VAMP3: variants seen among roughly 807,000 people sequenced by gnomAD.
The protein encoded by VAMP3 is vesicle-associated membrane protein 3.
Under a neutral mutation model 18.1 loss-of-function variants are expected in VAMP3, and 11 were observed. The observed-to-expected ratio is 0.61, with a 90% CI of 0.38 to 1.00. The LOEUF is 1.00. VAMP3 is among the 50% of genes least tolerant of loss of function. The pLI, the probability that VAMP3 is intolerant of heterozygous loss-of-function variation, is 0.01. For missense variants in VAMP3, 122 were observed against 127.3 expected, an observed-to-expected ratio of 0.96 and a Z score of 0.20; for synonymous variants, 49 against 43.1, an observed-to-expected ratio of 1.14 and a Z score of -0.53.
At chr1:7,777,047 G>A (rs1161556506) in intron 2 of VAMP3, 113 bp from the exon 3 acceptor site, 2 of 1,263,290 alleles carry the variant, frequency 1.6e-6, no homozygotes, top group Non-Finnish European at 2.1e-6. Context: ...CTGACCACAG[G>A]TGATCCACCC....
rs1460435188 is a variant in VAMP3 at position 7,771,319 on chromosome 1, C to A, written c.-65C>A. 3.2e-6 allele frequency: 5 copies of A among 1,586,024 alleles called. No homozygotes were observed. The highest frequency in any genetic ancestry group is 1.7e-5 in the Admixed American group (1 of 58,266). ...CCGTCCCACCCATCTCCCTGGCCTC[C>A]GGTCCCAACTTCGCTTCTCTGCTGA... On this transcript the variant is annotated 5_prime_UTR_variant, in exon 1 of 5. Coordinates refer to ENST00000054666, the MANE Select transcript of VAMP3 (RefSeq NM_004781.4).
chr1:7,774,997 T>C lies in VAMP3; in HGVS notation c.72+1486T>C, dbSNP rs549175400. On this transcript the variant is annotated intron_variant, in intron 2 of 4. Transcript: ENST00000054666. Reference sequence around the variant, plus strand: ...CTGCCAAATTGTTTTCCACAATAGCTGCACCATTTTATTTTCCCACCAGCA... The same window carrying C: ...CTGCCAAATTGTTTTCCACAATAGCCGCACCATTTTATTTTCCCACCAGCA... 6.6e-5 allele frequency among the ~76,000 whole-genome samples: 10 copies of C among 152,362 alleles called. No individual in the cohort carries two copies. In the East Asian group the frequency reaches 1.9e-3, roughly 29 times the overall value.
At position 7,779,640 on chromosome 1, in the gene VAMP3, TC is replaced by T; in HGVS notation, c.299del (p.Ser100TyrfsTer21). On this transcript the variant is annotated frameshift_variant, in exon 5 of 5. Transcript: ENST00000054666. LOFTEE classifies it high-confidence loss of function. ...CTCCTTCTTAGTGTGGGTTGTCTCT[TC>T]ATGAAGAACCAGCGGAACTCAAAAC... ...IIIIIVWVVS[S>X] is the part of the protein sequence containing the mutation. 6.2e-7 allele frequency: 1 copy of T among 1,614,208 alleles called. No individual in the cohort carries two copies. Among genetic ancestry groups the T allele is most frequent in the Non-Finnish European group, 8.5e-7 (1 of 1,180,038 alleles).
Position 7,780,866 on chromosome 1 carries a change from G to C in VAMP3, c.*1221G>C, listed in dbSNP as rs697679. The stretch of plus-strand genomic sequence containing the variant: ...TTGCTTTGATATCATCAACTGCAGA[G>C]AATGCTGTTGATGGGAATGCTGGAA... On this transcript the variant is annotated 3_prime_UTR_variant, in exon 5 of 5. Coordinates refer to ENST00000054666, the MANE Select transcript of VAMP3 (RefSeq NM_004781.4). 120,846 of 152,374 alleles carry C rather than the reference G, an allele frequency of 0.79. 48,078 individuals are homozygous for C. Among genetic ancestry groups the C allele is most frequent in the East Asian group, 0.96 (5,086 of 5,324 alleles). 9.4% of individuals were successfully genotyped at this position (152,374 alleles called of 1,614,324 possible).
At chr1:7,774,045 C>G (rs2097052817) in intron 2 of VAMP3, among the ~76,000 whole-genome samples, 1 of 152,172 alleles carries the variant, frequency 6.6e-6, no homozygotes, top group Non-Finnish European at 1.5e-5. Flanking sequence ...AATTCTTGAG[C>G]TAGAGGACCT....
Position 7,778,137 on chromosome 1 carries a change from C to T in VAMP3, c.251C>T (p.Thr84Ile). Residue 84 changes from threonine to isoleucine, a missense_variant, in exon 4 of 5, where the codon ACT (threonine) becomes ATT (isoleucine). Thr to Ile is a moderately conservative substitution (Grantham distance 89). Transcript: ENST00000054666. The part of the protein sequence containing the change: ...KNCKMWAIGI[T>I]VLVIFIIIII... The stretch of plus-strand genomic sequence containing the variant: ...TTACAGATGTGGGCAATCGGGATTA[C>T]TGTTCTGGTTATCTTCATCATCATC... 6.2e-7 allele frequency: 1 copy of T among 1,614,164 alleles called. No homozygotes were observed. Among genetic ancestry groups the T allele is most frequent in the Non-Finnish European group, 8.5e-7 (1 of 1,180,040 alleles).
At chr1:7,774,725 C>T (rs1317738446) in intron 2 of VAMP3, among the ~76,000 whole-genome samples, 1 of 152,176 alleles carries the variant, frequency 6.6e-6, no homozygotes, top group African/African-American at 2.4e-5. Context: ...CAAGTTGTAA[C>T]GTGTTGTACC....
rs911383070 is a variant in VAMP3 at position 7,780,444 on chromosome 1, C to T, written c.*799C>T. On this transcript the variant is annotated 3_prime_UTR_variant, in exon 5 of 5. Transcript: ENST00000054666. ...TAAAATCATTACCTTGTGTGTGAAC[C>T]TTCTACATCTTCATAGGCCTTTCTT... 1.3e-5 allele frequency: 2 copies of T among 152,772 alleles called. No individual in the cohort carries two copies. Among genetic ancestry groups the T allele is most frequent in the Non-Finnish European group, 2.9e-5 (2 of 68,040 alleles). 9.5% of individuals were successfully genotyped at this position (152,772 alleles called of 1,614,324 possible). A position where few individuals can be genotyped will look rare whatever the true frequency, so the allele number is the denominator to read the frequency against.
intron 1 of VAMP3, 55 bp downstream of exon 1, chr1:7,771,440 G>T (rs1558352021): frequency 2.7e-6 from 4 of 1,498,154 alleles, no homozygotes; most frequent in Admixed American, 2.1e-5. Context: ...GGCAGCTCGC[G>T]CTGGGACCGC....
At chr1:7,777,899 T>G (rs1420060913) in intron 3 of VAMP3, among the ~76,000 whole-genome samples, 2 of 152,224 alleles carry the variant, frequency 1.3e-5, no homozygotes, top group African/African-American at 4.8e-5. Context: ...AATGCCTAGC[T>G]AGAGGCCACA....
chr1:7,772,281 C>T (rs936105218), intron 1 of VAMP3, among the ~76,000 whole-genome samples: 8 of 152,216 alleles, frequency 5.3e-5, no homozygotes, highest in African/African-American at 1.9e-4. Context: ...CTACCAGATA[C>T]TAAACTCCGT....
At position 7,777,199 on chromosome 1, in the gene VAMP3, G is replaced by C. The variant is rs750314246; in HGVS notation, c.112G>C (p.Glu38Gln). ...GCGAGTTAACGTGGACAAGGTTCTG[G>C]AAAGAGACCAGAAGCTCTCTGAGTT... ...IMRVNVDKVL[E>Q]RDQKLSELDD... Residue 38 changes from glutamate (E) to glutamine (Q), a missense_variant, in exon 3 of 5, where the codon GAA (glutamate) becomes CAA (glutamine). Glu to Gln is a conservative substitution (Grantham distance 29). Transcript: ENST00000054666. 6.2e-7 allele frequency: 1 copy of C among 1,613,630 alleles called. No individual in the cohort carries two copies. Among genetic ancestry groups the C allele is most frequent in the Non-Finnish European group, 8.5e-7 (1 of 1,179,890 alleles).
chr1:7,778,204 C>T (rs557823862), intron 4 of VAMP3, 35 bp downstream of exon 4: 1 of 1,605,844 alleles, frequency 6.2e-7, no homozygotes, highest in South Asian at 1.1e-5. Flanking sequence ...TTGGAAAAGT[C>T]TTCTCCATGT....
chr1:7,777,400 T>A, intron 3 of VAMP3, 82 bp downstream of exon 3: 5 of 1,472,880 alleles, frequency 3.4e-6, no homozygotes, highest in Non-Finnish European at 3.6e-6. Flanking sequence ...TAATGGACTT[T>A]CACGACTCTG....
chr1:7,777,979 C>A, intron 3 of VAMP3, 139 bp from the exon 4 acceptor site: 3 of 876,796 alleles, frequency 3.4e-6, no homozygotes, highest in Non-Finnish European at 5.3e-6. Flanking sequence ...TTAATTTAGG[C>A]TTTAGAAATT....
In VAMP3 at chr1:7,779,488, A is replaced by G. The variant is rs193023290; in HGVS notation, c.284-138A>G. Reference sequence around the variant, plus strand: ...TCCTCTAGCCCTCTATAGAATGGAGAGAAGCCAGTAGTAGGAAATCAGCCC... The same window carrying G: ...TCCTCTAGCCCTCTATAGAATGGAGGGAAGCCAGTAGTAGGAAATCAGCCC... On this transcript the variant is annotated intron_variant, in intron 4 of 4. Coordinates refer to ENST00000054666, the MANE Select transcript of VAMP3 (RefSeq NM_004781.4). 16 of 1,193,962 alleles carry G rather than the reference A, an allele frequency of 1.3e-5. No homozygotes were observed. In the African/African-American group the frequency reaches 2.0e-4, roughly 15 times the overall value. 74.0% of individuals were successfully genotyped at this position (1,193,962 alleles called of 1,614,324 possible). A position where few individuals can be genotyped will look rare whatever the true frequency, so the allele number is the denominator to read the frequency against.
chr1:7,774,005 TC>T (rs1192326030), intron 2 of VAMP3, among the ~76,000 whole-genome samples: 1 of 152,246 alleles, frequency 6.6e-6, no homozygotes, highest in African/African-American at 2.4e-5. Flanking sequence ...ACTGTCAAAC[TC>T]CATTAGCTCA....
chr1:7,779,655 G>A lies in VAMP3; in HGVS notation c.*10G>A, dbSNP rs775353122. On this transcript the variant is annotated 3_prime_UTR_variant, in exon 5 of 5. Coordinates refer to ENST00000054666, the MANE Select transcript of VAMP3 (RefSeq NM_004781.4). Reference sequence around the variant, plus strand: ...GGTTGTCTCTTCATGAAGAACCAGCGGAACTCAAAACTGCTGTTCAAGAAA... The same window carrying A: ...GGTTGTCTCTTCATGAAGAACCAGCAGAACTCAAAACTGCTGTTCAAGAAA... 83 of 1,613,942 alleles carry A rather than the reference G, an allele frequency of 5.1e-5. No homozygotes were observed. The highest frequency in any genetic ancestry group is 6.7e-5 in the Non-Finnish European group (79 of 1,180,008).
intron 2 of VAMP3, among the ~76,000 whole-genome samples, chr1:7,775,337 TA>T (rs1363705834): frequency 6.6e-6 from 1 of 151,940 alleles, no homozygotes; most frequent in African/African-American, 2.4e-5. Context: ...ACATTTTTTT[TA>T]TTTTTTTTAT....
Sources: allele counts gnomAD v4.1 joint callset (sites outside exome capture counted in the v4.1 genomes callset), GRCh38; gene constraint gnomAD v4.1.1; transcripts MANE v1.5; gene names NCBI Gene and HGNC (gene_info 2026-07-23, HGNC 2026-07-21).